Variants in TNNC1 observed in about 807,000 individuals in gnomAD.
TNNC1 encodes troponin C1, slow skeletal and cardiac type.
Under a neutral mutation model 19.6 loss-of-function variants are expected in TNNC1, and 10 were observed. The observed-to-expected ratio is 0.51, with a 90% confidence interval of 0.31 to 0.87. The LOEUF (loss-of-function observed/expected upper bound fraction) is 0.87. Ranked by LOEUF, TNNC1 falls within the 40% of genes least tolerant of loss-of-function variation. TNNC1 has a pLI of 0.04. For missense variants in TNNC1, 115 were observed against 219.8 expected (o/e 0.52, Z 3.02); for synonymous variants, 85 against 80.1 (o/e 1.06, Z -0.33).
At position 52,451,872 on chromosome 3, in the gene TNNC1, G is replaced by GCATGGC; in HGVS notation, c.203-20_203-15dup. The GCATGGC allele has an allele frequency of 6.2e-7, 1 of 1,612,390 alleles. No individual in the cohort carries two copies. The highest frequency in any genetic ancestry group is 8.5e-7 in the Non-Finnish European group (1 of 1,178,616). ...CCGTGCCGCTGCCTGGGGGTGGGCA[G>GCATGGC]CATGGCCGTTACAGAGGCCAGGGTA... On this transcript the variant is annotated splice_polypyrimidine_tract_variant and intron_variant, in intron 3 of 5. Coordinates refer to ENST00000232975, the MANE Select transcript of TNNC1 (RefSeq NM_003280.3). This position sits in a 1 kb window ranked among gnomAD's most constrained non-coding sequence, Gnocchi z 4.8.
At position 52,451,946 on chromosome 3, in the gene TNNC1, T is replaced by C; in HGVS notation, c.203-88A>G. On this transcript the variant is annotated intron_variant, in intron 3 of 5. Transcript: ENST00000232975. This position sits in a 1 kb window ranked among gnomAD's most constrained non-coding sequence, Gnocchi z 4.8. ...CACGAACCCCCATGTTCTCACCGCATCCTCACACCAAACGCCAGGCTTGTG... is the reference window on the plus strand; with the variant it reads ...CACGAACCCCCATGTTCTCACCGCACCCTCACACCAAACGCCAGGCTTGTG... 6.5e-7 allele frequency: 1 copy of C among 1,532,866 alleles called. No homozygotes were observed. The highest frequency in any genetic ancestry group is 9.0e-7 in the Non-Finnish European group (1 of 1,108,948). The allele number at this position is 1,532,866 out of a possible 1,614,324, so 95.0% of individuals were successfully genotyped here.
At position 52,453,924 on chromosome 3, in the gene TNNC1, C is replaced by T. The variant is rs552560997; in HGVS notation, c.24+68G>A. The T allele has an allele frequency of 1.6e-5, 25 of 1,541,302 alleles. No homozygotes were observed. In the East Asian group the frequency reaches 4.1e-4, roughly 25 times the overall value. ...ACCACTTCCCTGGGGCTACTAACCC[C>T]GCACTCTCAGCTGAGTGAGCCCCCA... is the stretch of plus-strand genomic sequence containing the variant. On this transcript the variant is annotated intron_variant, in intron 1 of 5. Transcript: ENST00000232975.
intron 1 of TNNC1, among the ~76,000 whole-genome samples, chr3:52,453,511 A>G (rs1706359060): frequency 1.3e-5 from 2 of 151,246 alleles, no homozygotes; most frequent in Non-Finnish European, 2.9e-5. Context: ...CTCCTCTCAC[A>G]CCCTCCACCC....
Position 52,451,926 on chromosome 3 carries a change from AC to A in TNNC1, c.203-69del. On this transcript the variant is annotated intron_variant, in intron 3 of 5. Transcript: ENST00000232975. The surrounding 1 kb of genome is among the most constrained non-coding windows in gnomAD (Gnocchi z 4.8). ...ACTGCAGGCAGCACCTTCGACACGAACCCCCATGTTCTCACCGCATCCTCAC... is the reference window on the plus strand; with the variant it reads ...ACTGCAGGCAGCACCTTCGACACGAACCCCATGTTCTCACCGCATCCTCAC... The A allele has an allele frequency of 6.5e-7, 1 of 1,546,372 alleles. No homozygotes were observed.
chr3:52,453,973 A>G lies in TNNC1; in HGVS notation c.24+19T>C. ...CAGTGGGCCTGCCCACCCCAGCCCT[A>G]CCCAGCCCTGTCCCTCACCGCAGCC... On this transcript the variant is annotated intron_variant, in intron 1 of 5. Transcript: ENST00000232975. 3 of 1,582,492 alleles carry G rather than the reference A, an allele frequency of 1.9e-6. No individual in the cohort carries two copies. Among genetic ancestry groups the G allele is most frequent in the Non-Finnish European group, 2.6e-6 (3 of 1,162,898 alleles).
In TNNC1 at chr3:52,451,361, G is replaced by A; in HGVS notation, c.454+30C>T. On this transcript the variant is annotated intron_variant, in intron 5 of 5. Coordinates refer to ENST00000232975, the MANE Select transcript of TNNC1 (RefSeq NM_003280.3). This position sits in a 1 kb window ranked among gnomAD's most constrained non-coding sequence, Gnocchi z 4.8. ...GGGTAGGGGCTGGGCAGGGCATGGA[G>A]GCAGGAGATCAGCCCACCCACCCGC... 3 of 1,614,128 alleles carry A rather than the reference G, an allele frequency of 1.9e-6. No homozygotes were observed. Among genetic ancestry groups the A allele is most frequent in the Non-Finnish European group, 2.5e-6 (3 of 1,180,012 alleles).
At position 52,451,147 on chromosome 3, in the gene TNNC1, G is replaced by T; in HGVS notation, c.*128C>A. 7.5e-6 allele frequency: 8 copies of T among 1,061,974 alleles called. No homozygotes were observed. Among genetic ancestry groups the T allele is most frequent in the Middle Eastern group, 2.2e-4 (1 of 4,484 alleles). The allele number at this position is 1,061,974 out of a possible 1,614,324, so 65.8% of individuals were successfully genotyped here. A position where few individuals can be genotyped will look rare whatever the true frequency, so the allele number is the denominator to read the frequency against. On this transcript the variant is annotated 3_prime_UTR_variant, in exon 6 of 6. Coordinates refer to ENST00000232975, the MANE Select transcript of TNNC1 (RefSeq NM_003280.3). This position sits in a 1 kb window ranked among gnomAD's most constrained non-coding sequence, Gnocchi z 4.8. ...CATCCCCCAGGACAGATCTGGGGAG[G>T]GAGTCGGGGGATTTGGGGTTGAGGA...
chr3:52,451,233 G>A lies in TNNC1; in HGVS notation c.*42C>T, dbSNP rs560076131. On this transcript the variant is annotated 3_prime_UTR_variant, in exon 6 of 6. Transcript: ENST00000232975. The surrounding 1 kb of genome is among the most constrained non-coding windows in gnomAD (Gnocchi z 4.8). ...TCCCCAACCCCAGGACTCAGCTGGA[G>A]TTGGAGGCTGGGCATAGGCAGCTCT... is the stretch of plus-strand genomic sequence containing the variant. 5.6e-6 allele frequency: 9 copies of A among 1,613,580 alleles called. No individual in the cohort carries two copies. The East Asian group carries it at 1.1e-4, about 20-fold the overall frequency.
At position 52,451,165 on chromosome 3, in the gene TNNC1, G is replaced by T; in HGVS notation, c.*110C>A. 1 of 1,295,036 alleles carries T rather than the reference G, an allele frequency of 7.7e-7. No homozygotes were observed. Among genetic ancestry groups the T allele is most frequent in the Non-Finnish European group, 1.1e-6 (1 of 898,138 alleles). The allele number at this position is 1,295,036 out of a possible 1,614,324, so 80.2% of individuals were successfully genotyped here. ...TGGGGAGGGAGTCGGGGGATTTGGGGTTGAGGACATGGCCAGGCTCAGGTC... is the reference window on the plus strand; with the variant it reads ...TGGGGAGGGAGTCGGGGGATTTGGGTTTGAGGACATGGCCAGGCTCAGGTC... On this transcript the variant is annotated 3_prime_UTR_variant, in exon 6 of 6. Coordinates refer to ENST00000232975, the MANE Select transcript of TNNC1 (RefSeq NM_003280.3). The surrounding 1 kb of genome is among the most constrained non-coding windows in gnomAD (Gnocchi z 4.8).
At position 52,451,986 on chromosome 3, in the gene TNNC1, A is replaced by C. The variant is rs949380289; in HGVS notation, c.202+120T>G. 3 of 1,568,760 alleles carry C rather than the reference A, an allele frequency of 1.9e-6. No individual in the cohort carries two copies. In the Admixed American group the frequency reaches 5.0e-5, roughly 26 times the overall value. On this transcript the variant is annotated intron_variant, in intron 3 of 5. Transcript: ENST00000232975. The surrounding 1 kb of genome is among the most constrained non-coding windows in gnomAD (Gnocchi z 4.8). ...CCAGGCTTGTGTAGCCCTTATGCCC[A>C]TTTTATAGATGAGGCAACCAAGGCT...
Position 52,452,449 on chromosome 3 carries a change from G to T in TNNC1, c.55+34C>A. 6.2e-7 allele frequency: 1 copy of T among 1,610,956 alleles called. No homozygotes were observed. On this transcript the variant is annotated intron_variant, in intron 2 of 5. Coordinates refer to ENST00000232975, the MANE Select transcript of TNNC1 (RefSeq NM_003280.3). The surrounding 1 kb of genome is among the most constrained non-coding windows in gnomAD (Gnocchi z 5.2). The stretch of plus-strand genomic sequence containing the variant: ...GGGGTCCCCATGCCAGCCTGGACCC[G>T]CTGGTCTCCCACATGTGTGATAGGG...
chr3:52,451,587 C>A lies in TNNC1; in HGVS notation c.318-60G>T. 2 of 1,609,742 alleles carry A rather than the reference C, an allele frequency of 1.2e-6. No individual in the cohort carries two copies. Among genetic ancestry groups the A allele is most frequent in the South Asian group, 1.1e-5 (1 of 90,960 alleles). On this transcript the variant is annotated intron_variant, in intron 4 of 5. Transcript: ENST00000232975. This position sits in a 1 kb window ranked among gnomAD's most constrained non-coding sequence, Gnocchi z 4.8. ...AGGGCATGAGGCAGCCCCACCCATG[C>A]CCCAGGAGGCAGAGCAGGGACACTG...
In TNNC1 at chr3:52,451,626, C is replaced by G. The variant is rs1438220221; in HGVS notation, c.318-99G>C. 6.3e-7 allele frequency: 1 copy of G among 1,581,656 alleles called. No homozygotes were observed. Among genetic ancestry groups the G allele is most frequent in the African/African-American group, 1.3e-5 (1 of 74,290 alleles). ...GCAGGGACACTGGGAGATGGGGCAT[C>G]CCTCTCCCCTATCAGGCAGAGGCCA... On this transcript the variant is annotated intron_variant, in intron 4 of 5. Transcript: ENST00000232975. The surrounding 1 kb of genome is among the most constrained non-coding windows in gnomAD (Gnocchi z 4.8).
Position 52,451,784 on chromosome 3 carries a change from A to G in TNNC1, c.277T>C (p.Ser93Pro), listed in dbSNP as rs2153229928. The G allele has an allele frequency of 1.2e-6, 2 of 1,614,024 alleles. No homozygotes were observed. Among genetic ancestry groups the G allele is most frequent in the African/African-American group, 2.7e-5 (2 of 75,000 alleles). The change falls in exon 4 of 6, where the codon TCT (serine) becomes CCT (proline). Residue 93 changes from serine (S) to proline (P), a missense_variant. Ser to Pro is a moderately conservative substitution (Grantham distance 74, BLOSUM62 -1). This residue lies in a region of TNNC1 where 96 missense variants were observed against 114.2 expected (regional missense o/e 0.84). Coordinates refer to ENST00000232975, the MANE Select transcript of TNNC1 (RefSeq NM_003280.3). This position sits in a 1 kb window ranked among gnomAD's most constrained non-coding sequence, Gnocchi z 4.8. Reference protein sequence around the residue: ...RCMKDDSKGKSEEELSDLFRM... With the variant: ...RCMKDDSKGKPEEELSDLFRM... ...AAGAGGTCAGACAGCTCCTCCTCAG[A>G]TTTCCCTTTGCTGTCGTCCTTCATG...
rs1032355572 is a variant in TNNC1, at chr3:52,452,791, C to T, written c.25-278G>A. On this transcript the variant is annotated intron_variant, in intron 1 of 5. Transcript: ENST00000232975. The surrounding 1 kb of genome is among the most constrained non-coding windows in gnomAD (Gnocchi z 5.2). ...AGTCAGTGACCACTCAATGCCCTTT[C>T]GGCCCCTGATGAAACTCAAGCTGGG... 16 of 539,434 alleles carry T rather than the reference C, an allele frequency of 3.0e-5. No homozygotes were observed. Among genetic ancestry groups the T allele is most frequent in the African/African-American group, 1.3e-4 (7 of 52,504 alleles). The allele number at this position is 539,434 out of a possible 1,614,324, so 33.4% of individuals were successfully genotyped here. A position where few individuals can be genotyped will look rare whatever the true frequency, so the allele number is the denominator to read the frequency against.
In TNNC1 at chr3:52,451,129, C is replaced by A. The variant is rs1326932135; in HGVS notation, c.*146G>T. 2 of 947,810 alleles carry A rather than the reference C, an allele frequency of 2.1e-6. No individual in the cohort carries two copies. Among genetic ancestry groups the A allele is most frequent in the Non-Finnish European group, 3.3e-6 (2 of 598,430 alleles). The allele number at this position is 947,810 out of a possible 1,614,324, so 58.7% of individuals were successfully genotyped here. A position where few individuals can be genotyped will look rare whatever the true frequency, so the allele number is the denominator to read the frequency against. On this transcript the variant is annotated 3_prime_UTR_variant, in exon 6 of 6. Transcript: ENST00000232975. This position sits in a 1 kb window ranked among gnomAD's most constrained non-coding sequence, Gnocchi z 4.8. Reference sequence around the variant, plus strand: ...GAGAGCAGGCTTTATTTGCATCCCCCAGGACAGATCTGGGGAGGGAGTCGG... The same window carrying A: ...GAGAGCAGGCTTTATTTGCATCCCCAAGGACAGATCTGGGGAGGGAGTCGG...
chr3:52,452,131 C>T lies in TNNC1; in HGVS notation c.177G>A (p.Glu59=). The T allele has an allele frequency of 1.2e-6, 2 of 1,613,980 alleles. No homozygotes were observed. The highest frequency in any genetic ancestry group is 1.7e-6 in the Non-Finnish European group (2 of 1,180,038). Reference sequence around the variant, plus strand: ...CGTCCTCGTCCACCTCATCGATCATCTCCTGCAGCTCCTCAGGGGTGGGGT... The same window carrying T: ...CGTCCTCGTCCACCTCATCGATCATTTCCTGCAGCTCCTCAGGGGTGGGGT... ...GQNPTPEELQ[E]MIDEVDEDGS... Residue 59 remains glutamate, a synonymous_variant, in exon 3 of 6, where the codon GAG becomes GAA. Coordinates refer to ENST00000232975, the MANE Select transcript of TNNC1 (RefSeq NM_003280.3). This position sits in a 1 kb window ranked among gnomAD's most constrained non-coding sequence, Gnocchi z 5.2.
In TNNC1 at chr3:52,451,474, G is replaced by A; in HGVS notation, c.371C>T (p.Thr124Ile). Residue 124 changes from threonine (T) to isoleucine (I), a missense_variant, in exon 5 of 6, where the codon ACA becomes ATA. Thr to Ile is a moderately conservative substitution (Grantham distance 89). Around this residue, in one of 2 missense-constraint regions of TNNC1, gnomAD observed 96 missense variants for 114.2 expected, o/e 0.84. Transcript: ENST00000232975. The surrounding 1 kb of genome is among the most constrained non-coding windows in gnomAD (Gnocchi z 4.8). Reference sequence around the variant, plus strand: ...GTCGTCCTCCGTGATGGTCTCGCCTGTAGCCTGCAGCATTATCTTCAGCTC... The same window carrying A: ...GTCGTCCTCCGTGATGGTCTCGCCTATAGCCTGCAGCATTATCTTCAGCTC... ...LDELKIMLQA[T>I]GETITEDDIE... The A allele has an allele frequency of 6.2e-7, 1 of 1,614,174 alleles. No homozygotes were observed. Among genetic ancestry groups the A allele is most frequent in the Non-Finnish European group, 8.5e-7 (1 of 1,180,018 alleles).
chr3:52,453,889 C>T, intron 1 of TNNC1, 103 bp downstream of exon 1: 1 of 1,427,664 alleles, frequency 7.0e-7, no homozygotes, highest in Non-Finnish European at 9.7e-7. Flanking sequence ...AGGCCTTCTC[C>T]TTGGTCCCCA....
Sources: allele counts gnomAD v4.1 joint callset (sites outside exome capture counted in the v4.1 genomes callset), GRCh38; gene constraint gnomAD v4.1.1; regional missense constraint gnomAD v4.1.1; non-coding constraint Gnocchi (gnomAD v3.1); transcripts MANE v1.5; gene names NCBI Gene and HGNC (gene_info 2026-07-23, HGNC 2026-07-21).